Variants in LAMA5 observed in about 807,000 individuals in gnomAD.
The protein encoded by LAMA5 is laminin subunit alpha-5.
A neutral mutation model predicts 433.4 loss-of-function variants in LAMA5; 260 were observed. The ratio of observed to expected loss-of-function variants is 0.60; its 90% CI spans 0.54 to 0.66. The LOEUF is 0.66. LAMA5 is among the 30% of genes least tolerant of loss of function. The pLI is 0.00. For missense variants in LAMA5, 5,378 were observed against 5,258.5 expected, an observed-to-expected ratio of 1.02 and a Z score of -0.70; for synonymous variants, 2,620 against 2,226.6, an observed-to-expected ratio of 1.18 and a Z score of -4.97.
chr20:62,327,124 C>T, intron 38 of LAMA5, 109 bp downstream of exon 38: 1 of 1,197,508 alleles, frequency 8.4e-7, no homozygotes, highest in Non-Finnish European at 1.1e-6. Context: ...CCCTCACGGA[C>T]CCCCATGGAG....
rs776570966 is a variant in LAMA5 at position 62,338,451 on chromosome 20, G to GCA, written c.1618+16_1618+17insTG. On this transcript the variant is annotated intron_variant, in intron 12 of 79. Transcript: ENST00000252999. ...CCTCGAGCGCAGGTAGAGGTTGAGC[G>GCA]GGGAGAGGGGACTCACGCTGGCAGC... 4.4e-6 allele frequency: 7 copies of GCA among 1,607,544 alleles called. No individual in the cohort carries two copies. The highest frequency in any genetic ancestry group is 3.3e-4 in the Middle Eastern group (2 of 6,056).
Position 62,309,330 on chromosome 20 carries a change from T to A in LAMA5, c.*6A>T. Reference sequence around the variant, plus strand: ...GGCCTGACCAGGGGCCGGGGTTGGCTGTGTCCTAGGCGGCTGGGCAGCCAC... The same window carrying A: ...GGCCTGACCAGGGGCCGGGGTTGGCAGTGTCCTAGGCGGCTGGGCAGCCAC... On this transcript the variant is annotated 3_prime_UTR_variant, in exon 80 of 80. Coordinates refer to ENST00000252999, the MANE Select transcript of LAMA5 (RefSeq NM_005560.6). The A allele has an allele frequency of 6.3e-7, 1 of 1,591,556 alleles. No individual in the cohort carries two copies. The highest frequency in any genetic ancestry group is 8.5e-7 in the Non-Finnish European group (1 of 1,177,200).
rs1244738939 is a variant in LAMA5 at position 62,333,885 on chromosome 20, C to G, written c.2878+16G>C. ...GGCTGGTGGGGCAGGGGCTGTGGCC[C>G]AGGGACCCCACTCACAGTTGGCGCA... On this transcript the variant is annotated intron_variant, in intron 23 of 79. Coordinates refer to ENST00000252999, the MANE Select transcript of LAMA5 (RefSeq NM_005560.6). 3.2e-6 allele frequency: 5 copies of G among 1,564,578 alleles called. No homozygotes were observed. The highest frequency in any genetic ancestry group is 1.9e-4 in the Middle Eastern group (1 of 5,274).
rs115029457 is a variant in LAMA5 at position 62,347,775 on chromosome 20, G to A, written c.957-747C>T. On this transcript the variant is annotated intron_variant, in intron 6 of 79. Coordinates refer to ENST00000252999, the MANE Select transcript of LAMA5 (RefSeq NM_005560.6). ...TCTGCCGGAGGCTGCAGGGCCGTGC[G>A]TTCCCTGAGCAGGACCCCAGAAGTC... is the stretch of plus-strand genomic sequence containing the variant. 2.8e-3 allele frequency among the ~76,000 whole-genome samples: 427 copies of A among 152,328 alleles called. 1 individual carries two copies. Among genetic ancestry groups the A allele is most frequent in the African/African-American group, 9.7e-3 (403 of 41,574 alleles).
chr20:62,324,520 C>G lies in LAMA5; in HGVS notation c.5564G>C (p.Gly1855Ala), dbSNP rs1380687890. The change falls in exon 42 of 80, where the codon GGT becomes GCT. Residue 1855 changes from glycine (G) to alanine (A), a missense_variant. Gly to Ala is a moderately conservative substitution (Grantham distance 60). Transcript: ENST00000252999. The surrounding 1 kb of genome is among the most constrained non-coding windows in gnomAD (Gnocchi z 4.4). ...CAPGFYRDVK[G>A]LFLGRCVPCQ... ...AGGGACACATCGGCCCAGGAAGAGA[C>G]CTTTGACGTCCCGATAGAAGCCGGG... 1 of 1,611,912 alleles carries G rather than the reference C, an allele frequency of 6.2e-7. No individual in the cohort carries two copies. The highest frequency in any genetic ancestry group is 1.3e-5 in the African/African-American group (1 of 74,864).
intron 58 of LAMA5, 84 bp downstream of exon 58, chr20:62,315,864 C>A: frequency 1.9e-6 from 2 of 1,058,072 alleles, no homozygotes; most frequent in Middle Eastern, 3.0e-4. Context: ...ACAGTGAGTG[C>A]TCACCAACCA....
chr20:62,340,601 G>A (rs889013907), intron 11 of LAMA5, among the ~76,000 whole-genome samples: 1 of 151,838 alleles, frequency 6.6e-6, no homozygotes, highest in Non-Finnish European at 1.5e-5. Context: ...GTGAGCCATC[G>A]CACCTGGCCA....
chr20:62,360,896 G>A (rs1027178593), intron 2 of LAMA5, among the ~76,000 whole-genome samples: 2 of 152,132 alleles, frequency 1.3e-5, no homozygotes, highest in African/African-American at 2.4e-5. Flanking sequence ...AAGGGGTGGT[G>A]GAGCCCAGGC....
chr20:62,345,643 C>T, intron 11 of LAMA5, 175 bp downstream of exon 11: 1 of 648,492 alleles, frequency 1.5e-6, no homozygotes, highest in East Asian at 2.7e-5. Context: ...TGGCTTTATG[C>T]TGACCTATAT....
chr20:62,362,403 GC>G lies in LAMA5; in HGVS notation c.446del (p.Gly149AlafsTer87). 3 of 1,538,226 alleles carry G rather than the reference GC, an allele frequency of 2.0e-6. No homozygotes were observed. The highest frequency in any genetic ancestry group is 2.6e-6 in the Non-Finnish European group (3 of 1,135,400). Reference protein sequence around the residue: ...YNEVNVTLDLGQVFHVAYVLI... With the variant: ...YNEVNVTLDLXQVFHVAYVLI... ...GCACGCAAAGAAGGGTCCCTACCTG[GC>G]CCAGGTCCAGGGTGACGTTGACCTC... On this transcript the variant is annotated frameshift_variant, in exon 2 of 80. Transcript: ENST00000252999. LOFTEE classifies it high-confidence loss of function.
chr20:62,309,726 C>T lies in LAMA5; in HGVS notation c.10938G>A (p.Gly3646=). 1.3e-6 allele frequency: 2 copies of T among 1,597,686 alleles called. No individual in the cohort carries two copies. Among genetic ancestry groups the T allele is most frequent in the Middle Eastern group, 1.7e-4 (1 of 5,822 alleles). ...AAGAPAPLYL[G]GLPEPMAVQP... ...CAAGGCCGCACTCACCAGGCAGGCC[C>T]CCGAGGTACAGAGGGGCTGGGGCAC... The change falls in exon 79 of 80, where the codon GGG becomes GGA. Residue 3646 remains glycine, a synonymous_variant. Coordinates refer to ENST00000252999, the MANE Select transcript of LAMA5 (RefSeq NM_005560.6).
chr20:62,321,753 G>GGTGGGGCCAGCGGGGGA (rs1987833770), intron 48 of LAMA5, among the ~76,000 whole-genome samples: 1 of 142,426 alleles, frequency 7.0e-6, no homozygotes, highest in Non-Finnish European at 1.5e-5. Context: ...CCAGTGGAGG[G>GGTGGGGCCAGCGGGGGA]GTGGGGTCAG....
chr20:62,345,827 G>A lies in LAMA5; in HGVS notation c.1468C>T (p.Gln490Ter). The A allele has an allele frequency of 6.4e-7, 1 of 1,551,286 alleles. No homozygotes were observed. The change falls in exon 11 of 80, where the codon CAG becomes TAG. Residue 490 changes from glutamine (Q) to a stop codon, truncating the protein, a stop_gained. Coordinates refer to ENST00000252999, the MANE Select transcript of LAMA5 (RefSeq NM_005560.6). LOFTEE classifies it high-confidence loss of function. ...CCTCAAGGACACTTACTCACAATCTGGCCGGCTGGCAGCACCTGCTCCCTG... is the reference window on the plus strand; with the variant it reads ...CCTCAAGGACACTTACTCACAATCTAGCCGGCTGGCAGCACCTGCTCCCTG... ...DTREQVLPAG[Q>*]IVNCDCSAAG...
At chr20:62,325,786 A>G (rs992659557) in intron 40 of LAMA5, among the ~76,000 whole-genome samples, 1 of 152,230 alleles carries the variant, frequency 6.6e-6, no homozygotes, top group Non-Finnish European at 1.5e-5. Context: ...CAAAGAGAAC[A>G]GCCAAGCTTC....
intron 40 of LAMA5, among the ~76,000 whole-genome samples, 184 bp from the exon 41 acceptor site, chr20:62,325,730 C>T (rs1482608480): frequency 2.6e-5 from 4 of 152,176 alleles, no homozygotes; most frequent in African/African-American, 9.7e-5. Context: ...CCCTGCCTCA[C>T]ACCACACATC....
intron 2 of LAMA5, among the ~76,000 whole-genome samples, chr20:62,356,896 A>G (rs1430715964): frequency 6.6e-6 from 1 of 152,234 alleles, no homozygotes; most frequent in Non-Finnish European, 1.5e-5. Context: ...AGACGCTGAG[A>G]GGCCCCCACT....
At chr20:62,321,360 G>A (rs1487950578) in intron 48 of LAMA5, among the ~76,000 whole-genome samples, 39 of 48,942 alleles carry the variant, frequency 8.0e-4, no homozygotes, top group South Asian at 8.1e-4. Flanking sequence ...GGTGGGGCCA[G>A]TGGGGGTGGG....
At position 62,334,613 on chromosome 20, in the gene LAMA5, A is replaced by T; in HGVS notation, c.2491T>A (p.Cys831Ser). The change falls in exon 21 of 80, where the codon TGT becomes AGT. Residue 831 changes from cysteine (C) to serine (S), a missense_variant. Physicochemically the swap from Cys to Ser is moderately radical, Grantham distance 112. Transcript: ENST00000252999. The stretch of plus-strand genomic sequence containing the variant: ...TGGCCCAGTGCACCGCCAATGTCAC[A>T]CCGGCAGCCTGCAGGGAGAAGGTGG... The part of the protein sequence containing the change: ...ADYFGCRSCR[C>S]DIGGALGQSC... 13 of 1,546,570 alleles carry T rather than the reference A, an allele frequency of 8.4e-6. No homozygotes were observed. Among genetic ancestry groups the T allele is most frequent in the Non-Finnish European group, 1.1e-5 (13 of 1,146,464 alleles).
At chr20:62,319,842 CG>C in intron 50 of LAMA5, 47 bp from the exon 51 acceptor site, 3 of 1,466,072 alleles carry the variant, frequency 2.0e-6, no homozygotes, top group African/African-American at 1.4e-5. Context: ...AGGCGAGGGT[CG>C]GGGTGGCAAG....
Sources: gnomAD v4.1 joint callset for allele counts (sites outside exome capture counted in the v4.1 genomes callset) on GRCh38, gnomAD v4.1.1 for gene constraint, Gnocchi (gnomAD v3.1) non-coding constraint, MANE v1.5 for transcripts, NCBI Gene and HGNC (gene_info 2026-07-23, HGNC 2026-07-21) for gene names.